The following MARCHF3 variants were observed in gnomAD, a reference collection of about 807,000 sequenced individuals.
MARCHF3 encodes E3 ubiquitin-protein ligase MARCHF3.
Under a neutral mutation model 24.2 loss-of-function variants are expected in MARCHF3, and 13 were observed. The observed-to-expected ratio is 0.54, with a 90% CI of 0.35 to 0.85. The LOEUF (loss-of-function observed/expected upper bound fraction) is 0.85, where lower values mean the gene tolerates loss of function less well. Ranked by LOEUF, MARCHF3 falls within the 40% of genes least tolerant of loss-of-function variation. The pLI, the probability that MARCHF3 is intolerant of heterozygous loss-of-function variation, is 0.01. For synonymous variants in MARCHF3, 144 were observed against 137.3 expected (o/e 1.05, Z -0.34); for missense variants, 276 against 325.0 (o/e 0.85, Z 1.16).
chr5:126,894,859 C>T (rs1753817986), intron 3 of MARCHF3, among the ~76,000 whole-genome samples: 1 of 151,496 alleles, frequency 6.6e-6, no homozygotes, highest in Admixed American at 6.6e-5. Flanking sequence ...GTTGGCCTGC[C>T]TTGCTAGATT....
In MARCHF3 at chr5:126,964,815, A is replaced by G. The variant is rs143004381; in HGVS notation, c.-56-46588T>C. On this transcript the variant is annotated intron_variant, in intron 1 of 4. Coordinates refer to ENST00000308660, the MANE Select transcript of MARCHF3 (RefSeq NM_178450.5). ...GCTGAACCAGCTGAAGCAGACAACA[A>G]CATGGTGAGCCAGTTTTGGGAACAG... Among the ~76,000 whole-genome samples the G allele has an allele frequency of 4.5e-3, 687 of 152,272 alleles. 4 individuals carry two copies. The highest frequency in any genetic ancestry group is 7.3e-3 in the South Asian group (35 of 4,822).
intron 1 of MARCHF3, among the ~76,000 whole-genome samples, chr5:126,946,780 G>C (rs1171390614): frequency 6.6e-6 from 1 of 151,284 alleles, no homozygotes; most frequent in Non-Finnish European, 1.5e-5. Context: ...GTGTGTGTGT[G>C]TGTGTGTGTG....
intron 1 of MARCHF3, among the ~76,000 whole-genome samples, chr5:126,922,737 G>A (rs769548782): frequency 1.3e-5 from 2 of 151,892 alleles, no homozygotes; most frequent in Non-Finnish European, 2.9e-5. Context: ...TAGTAGAGAC[G>A]GAGTTTCGCC....
intron 1 of MARCHF3, among the ~76,000 whole-genome samples, chr5:126,991,901 T>C (rs1418301525): frequency 6.6e-6 from 1 of 152,190 alleles, no homozygotes; most frequent in Admixed American, 6.5e-5. Context: ...ATATTTCCAT[T>C]GACTTTCTGC....
At position 126,993,438 on chromosome 5, in the gene MARCHF3, ATG is replaced by A. The variant is rs1751841510; in HGVS notation, c.-57+36910_-57+36911del. On this transcript the variant is annotated intron_variant, in intron 1 of 4. Transcript: ENST00000308660. ...TGTTGATACTACTCCTTTCTTCCACATGTGTTACAATTTATGGAAATATCATC... is the reference window on the plus strand; with the variant it reads ...TGTTGATACTACTCCTTTCTTCCACATGTTACAATTTATGGAAATATCATC... 2.0e-5 allele frequency among the ~76,000 whole-genome samples: 3 copies of A among 152,164 alleles called. No individual in the cohort carries two copies. In the South Asian group the frequency reaches 6.2e-4, roughly 32 times the overall value.
At chr5:127,023,949 C>A (rs72782312) in intron 1 of MARCHF3, among the ~76,000 whole-genome samples, 1,687 of 152,182 alleles carry the variant, frequency 0.011, 13 homozygotes, top group Middle Eastern at 0.017. Context: ...GGAACCAAGC[C>A]ATTTTCAACT....
chr5:127,010,042 G>A (rs1752428894), intron 1 of MARCHF3, among the ~76,000 whole-genome samples: 1 of 152,148 alleles, frequency 6.6e-6, no homozygotes. Flanking sequence ...GGAACCTGGT[G>A]ACTCCTGGTG....
intron 3 of MARCHF3, among the ~76,000 whole-genome samples, chr5:126,883,946 C>A (rs774647901): frequency 2.6e-5 from 4 of 152,044 alleles, no homozygotes; most frequent in African/African-American, 7.2e-5. Context: ...ATTTATGGAG[C>A]TAGAAGGAAA....
In MARCHF3 at chr5:127,028,866, C is replaced by A. The variant is rs751646522; in HGVS notation, c.-57+1484G>T. ...TTGAATGAAAATAGAACTTGAGAGG[C>A]AGGCTTTGTTTGTAGCATGTTGTTT... On this transcript the variant is annotated intron_variant, in intron 1 of 4. Transcript: ENST00000308660. Among the ~76,000 whole-genome samples, 92 of 152,340 alleles carry A rather than the reference C, an allele frequency of 6.0e-4. 2 individuals carry two copies. Among genetic ancestry groups the A allele is most frequent in the Admixed American group, 1.9e-3 (29 of 15,300 alleles).
At chr5:126,918,737 T>C (rs948156149) in intron 1 of MARCHF3, among the ~76,000 whole-genome samples, 3 of 152,254 alleles carry the variant, frequency 2.0e-5, no homozygotes, top group African/African-American at 7.2e-5. Flanking sequence ...CAAGTATTAA[T>C]AGTATGTTCT....
intron 1 of MARCHF3, among the ~76,000 whole-genome samples, chr5:127,015,248 A>G (rs940045381): frequency 6.6e-6 from 1 of 152,228 alleles, no homozygotes; most frequent in Non-Finnish European, 1.5e-5. Context: ...TTACTCTAAC[A>G]AGTTTTTCTG....
At chr5:126,986,935 G>C (rs1561460541) in intron 1 of MARCHF3, among the ~76,000 whole-genome samples, 1 of 152,234 alleles carries the variant, frequency 6.6e-6, no homozygotes, top group Non-Finnish European at 1.5e-5. Context: ...ATGGCAAATA[G>C]AATAGAATGT....
At chr5:126,903,113 G>T (rs1195471666) in intron 3 of MARCHF3, among the ~76,000 whole-genome samples, 2 of 152,046 alleles carry the variant, frequency 1.3e-5, no homozygotes, top group East Asian at 1.9e-4. Flanking sequence ...AGTAGGTTCG[G>T]TCTATAATAC....
chr5:127,012,410 A>G (rs886914183), intron 1 of MARCHF3, among the ~76,000 whole-genome samples: 3 of 152,212 alleles, frequency 2.0e-5, no homozygotes, highest in Non-Finnish European at 4.4e-5. Context: ...ACTAGCAAAA[A>G]GTGAAAGACT....
intron 4 of MARCHF3, among the ~76,000 whole-genome samples, chr5:126,876,588 A>G (rs1186308189): frequency 2.0e-5 from 3 of 152,096 alleles, no homozygotes; most frequent in East Asian, 1.9e-4. Flanking sequence ...TCCCATCACA[A>G]TGGAAGCTAC....
intron 1 of MARCHF3, among the ~76,000 whole-genome samples, chr5:126,960,365 G>A (rs1750598225): frequency 6.6e-6 from 1 of 152,086 alleles, no homozygotes; most frequent in African/African-American, 2.4e-5. Flanking sequence ...TAGTTTAATA[G>A]TCATAATGCC....
intron 1 of MARCHF3, among the ~76,000 whole-genome samples, chr5:126,983,312 G>A (rs553835053): frequency 2.0e-5 from 3 of 152,292 alleles, no homozygotes; most frequent in South Asian, 2.1e-4. Context: ...GTGGGCAGGC[G>A]ATCTGGTGGG....
At chr5:126,987,096 G>T (rs573919226) in intron 1 of MARCHF3, among the ~76,000 whole-genome samples, 1 of 152,328 alleles carries the variant, frequency 6.6e-6, no homozygotes, top group South Asian at 2.1e-4. Flanking sequence ...TCCATCATAT[G>T]GGTAGGCCTC....
At chr5:126,940,855 A>G (rs1168004620) in intron 1 of MARCHF3, among the ~76,000 whole-genome samples, 1 of 152,086 alleles carries the variant, frequency 6.6e-6, no homozygotes, top group African/African-American at 2.4e-5. Context: ...AGTATATGAG[A>G]TGTTTTGAAA....
Sources: allele counts gnomAD v4.1 joint callset (sites outside exome capture counted in the v4.1 genomes callset), GRCh38; gene constraint gnomAD v4.1.1; transcripts MANE v1.5; gene names NCBI Gene and HGNC (gene_info 2026-07-23, HGNC 2026-07-21).